The following METTL15 variants were observed in gnomAD, a reference collection of about 807,000 sequenced individuals.
METTL15 encodes 12S rRNA N(4)-cytidine methyltransferase METTL15.
In METTL15, 34 loss-of-function variants were observed where a neutral mutation model predicts 38.3. The observed-to-expected ratio is 0.89, with a 90% CI of 0.68 to 1.18. METTL15 has a LOEUF of 1.18. Ranked by LOEUF, METTL15 falls within the 50% of genes most tolerant of loss-of-function variation. METTL15 has a pLI of 0.00. For synonymous variants in METTL15, 162 were observed against 170.9 expected (o/e 0.95, Z 0.41); for missense variants, 438 against 498.4 (o/e 0.88, Z 1.15).
At chr11:28,264,888 G>A (rs1855350398) in intron 4 of METTL15, among the ~76,000 whole-genome samples, 1 of 152,132 alleles carries the variant, frequency 6.6e-6, no homozygotes, top group Admixed American at 6.5e-5. Context: ...AATGCTGACT[G>A]TAGAAAGATA....
intron 3 of METTL15, among the ~76,000 whole-genome samples, chr11:28,187,511 A>G (rs1277681456): frequency 6.8e-6 from 1 of 147,708 alleles, no homozygotes; most frequent in African/African-American, 2.5e-5. Context: ...TAAGAACACA[A>G]TAAATGTTTG....
rs1856780874 is a variant in METTL15, at chr11:28,297,445, C to G, written c.778+514C>G. ...TCATATATCTGTTCTAAACAACCAA[C>G]TAACAAAGGGTATATGATGTATAGG... On this transcript the variant is annotated intron_variant, in intron 6 of 6. Transcript: ENST00000407364. Among the ~76,000 whole-genome samples, 5 of 152,212 alleles carry G rather than the reference C, an allele frequency of 3.3e-5. 1 individual carries two copies. The South Asian group carries it at 1.0e-3, about 32-fold the overall frequency.
intron 4 of METTL15, among the ~76,000 whole-genome samples, chr11:28,247,484 G>A (rs566464001): frequency 2.6e-5 from 4 of 152,122 alleles, no homozygotes; most frequent in African/African-American, 4.8e-5. Context: ...GAAAAATGGA[G>A]GCATTTATGC....
At chr11:28,223,830 A>G (rs1273020932) in intron 4 of METTL15, among the ~76,000 whole-genome samples, 1 of 152,142 alleles carries the variant, frequency 6.6e-6, no homozygotes, top group East Asian at 1.9e-4. Flanking sequence ...GAGGAAACAC[A>G]TTTAACTTGC....
intron 3 of METTL15, among the ~76,000 whole-genome samples, chr11:28,351,899 T>C (rs1216358548): frequency 6.6e-6 from 1 of 152,214 alleles, no homozygotes; most frequent in African/African-American, 2.4e-5. Context: ...TCACTTTGCC[T>C]GAAACCATGA....
chr11:28,491,942 T>C (rs989233833), intron 6 of METTL15, among the ~76,000 whole-genome samples: 2 of 152,058 alleles, frequency 1.3e-5, no homozygotes, highest in Admixed American at 1.3e-4. Context: ...TGTGTTCACA[T>C]GGGACTTAGC....
At chr11:28,388,462 C>G (rs1421279740) in intron 5 of METTL15, among the ~76,000 whole-genome samples, 1 of 151,836 alleles carries the variant, frequency 6.6e-6, no homozygotes, top group Non-Finnish European at 1.5e-5. Context: ...TTTATAATAC[C>G]AACAAAAGAA....
At chr11:28,334,195 C>T (rs1003484932), downstream of METTL15, among the ~76,000 whole-genome samples, 6 of 151,912 alleles carry the variant, frequency 3.9e-5, no homozygotes, top group Admixed American at 1.3e-4. Flanking sequence ...TATACCATCC[C>T]TTCTTCTCTG....
chr11:28,365,840 A>T (rs1362273835), intron 5 of METTL15, among the ~76,000 whole-genome samples: 1 of 152,164 alleles, frequency 6.6e-6, no homozygotes, highest in African/African-American at 2.4e-5. Context: ...TCATGAGGCC[A>T]GGAGAGTGAG....
At chr11:28,454,991 A>C (rs1851155615) in intron 6 of METTL15, among the ~76,000 whole-genome samples, 1 of 152,112 alleles carries the variant, frequency 6.6e-6, no homozygotes. Flanking sequence ...CGAGGCAGAG[A>C]CTGGCTTAAG....
intron 3 of METTL15, among the ~76,000 whole-genome samples, chr11:28,202,755 A>G (rs1341139445): frequency 6.6e-6 from 1 of 152,130 alleles, no homozygotes; most frequent in Non-Finnish European, 1.5e-5. Flanking sequence ...GCCAGAAAAG[A>G]TTCATAGGAT....
chr11:28,352,652 TTCTA>T (rs1850051854), intron 4 of METTL15, among the ~76,000 whole-genome samples: 1 of 152,224 alleles, frequency 6.6e-6, no homozygotes, highest in African/African-American at 2.4e-5. Flanking sequence ...CTTTGAACTC[TTCTA>T]TCTCAGATTC....
chr11:28,449,861 C>T (rs1245917858), intron 6 of METTL15, among the ~76,000 whole-genome samples: 1 of 152,106 alleles, frequency 6.6e-6, no homozygotes, highest in Admixed American at 6.5e-5. Flanking sequence ...CCAGCTGTTC[C>T]TGCCAAGGCA....
chr11:28,349,964 G>A (rs1850027591), intron 3 of METTL15, among the ~76,000 whole-genome samples: 1 of 152,168 alleles, frequency 6.6e-6, no homozygotes. Context: ...TTGTTTCATG[G>A]ATGTCTTGCA....
intron 6 of METTL15, among the ~76,000 whole-genome samples, chr11:28,441,949 G>A (rs928336754): frequency 6.6e-6 from 1 of 152,144 alleles, no homozygotes; most frequent in Non-Finnish European, 1.5e-5. Context: ...AATGTTCCAA[G>A]ATGCTTTTTA....
intron 6 of METTL15, among the ~76,000 whole-genome samples, chr11:28,488,526 G>A (rs1167771881): frequency 6.6e-6 from 1 of 152,058 alleles, no homozygotes; most frequent in Non-Finnish European, 1.5e-5. Flanking sequence ...AAGTTAACTG[G>A]ACTAATTTCA....
chr11:28,146,430 A>G (rs1849887970), intron 3 of METTL15, among the ~76,000 whole-genome samples: 1 of 152,016 alleles, frequency 6.6e-6, no homozygotes, highest in Non-Finnish European at 1.5e-5. Context: ...TTACTGATTG[A>G]CATCCTACCA....
At chr11:28,503,956 G>A (rs1272982970) in intron 6 of METTL15, among the ~76,000 whole-genome samples, 1 of 151,838 alleles carries the variant, frequency 6.6e-6, no homozygotes, top group African/African-American at 2.4e-5. Context: ...AGCACTTTGG[G>A]AGTCCAAGGC....
At chr11:28,308,800 G>A (rs1040387354) in intron 6 of METTL15, among the ~76,000 whole-genome samples, 17 of 152,048 alleles carry the variant, frequency 1.1e-4, no homozygotes, top group African/African-American at 3.6e-4. Context: ...TTTACCATAT[G>A]TGAGGCTGCA....
Sources: gnomAD v4.1 joint callset for allele counts (sites outside exome capture counted in the v4.1 genomes callset) on GRCh38, gnomAD v4.1.1 for gene constraint, MANE v1.5 for transcripts, NCBI Gene and HGNC (gene_info 2026-07-23, HGNC 2026-07-21) for gene names.